Variants in PIK3R3 observed in about 807,000 individuals in gnomAD.
The protein encoded by PIK3R3 is phosphoinositide-3-kinase regulatory subunit 3.
Under a neutral mutation model 62.9 loss-of-function variants are expected in PIK3R3, and 64 were observed. That is an observed-to-expected ratio of 1.02 (90% CI 0.83 to 1.25). The LOEUF (loss-of-function observed/expected upper bound fraction) is 1.25, where lower values mean the gene tolerates loss of function less well. Ranked by LOEUF, PIK3R3 falls within the 50% of genes most tolerant of loss-of-function variation. The pLI, the probability that PIK3R3 is intolerant of heterozygous loss-of-function variation, is 0.00. For missense variants in PIK3R3, 614 were observed against 561.6 expected (o/e 1.09, Z -0.94); for synonymous variants, 165 against 189.0 (o/e 0.87, Z 1.04).
At chr1:46,063,173 G>A (rs987237257) in intron 5 of PIK3R3, among the ~76,000 whole-genome samples, 1 of 152,210 alleles carries the variant, frequency 6.6e-6, no homozygotes, top group East Asian at 1.9e-4. Context: ...CTTCACAGAG[G>A]AGGTGACACT....
intron 7 of PIK3R3, among the ~76,000 whole-genome samples, chr1:46,050,407 A>T (rs1647255909): frequency 6.6e-6 from 1 of 151,998 alleles, no homozygotes; most frequent in African/African-American, 2.4e-5. Context: ...TCTACTAAAA[A>T]TACAAAAATT....
At chr1:46,121,247 T>C (rs75618623) in intron 1 of PIK3R3, among the ~76,000 whole-genome samples, 50 of 152,242 alleles carry the variant, frequency 3.3e-4, no homozygotes, top group African/African-American at 1.1e-3. Context: ...CCAGAACTAA[T>C]ATCAGAAAAA....
At chr1:46,074,286 C>CAAAAAAAAAAA (rs1179172400) in intron 3 of PIK3R3, among the ~76,000 whole-genome samples, 2 of 20,832 alleles carry the variant, frequency 9.6e-5, no homozygotes, top group Non-Finnish European at 1.7e-4. Context: ...TAGACTCCGT[C>CAAAAAAAAAAA]AAAAAAAAAA....
chr1:46,050,469 G>A (rs1051057602), intron 7 of PIK3R3, among the ~76,000 whole-genome samples: 1 of 151,924 alleles, frequency 6.6e-6, no homozygotes, highest in Non-Finnish European at 1.5e-5. Context: ...GGAGGCTGAG[G>A]CAAGAGAATT....
Position 46,046,539 on chromosome 1 carries a change from G to A in PIK3R3, c.1016+12C>T, listed in dbSNP as rs1557549098. ...CAAAGCCCTCTGACAGAAAGGTATA[G>A]AGAGAACTTACTCATCAGCATCCTC... is the stretch of plus-strand genomic sequence containing the variant. On this transcript the variant is annotated intron_variant, in intron 8 of 9. Transcript: ENST00000262741. The A allele has an allele frequency of 6.4e-7, 1 of 1,570,846 alleles. No homozygotes were observed. The highest frequency in any genetic ancestry group is 8.8e-7 in the Non-Finnish European group (1 of 1,140,512).
Position 46,043,447 on chromosome 1 carries a change from G to C in PIK3R3, c.*226C>G. 1.9e-6 allele frequency: 1 copy of C among 539,930 alleles called. No homozygotes were observed. The allele number at this position is 539,930 out of a possible 1,614,324, so 33.4% of individuals were successfully genotyped here. On this transcript the variant is annotated 3_prime_UTR_variant, in exon 10 of 10. Transcript: ENST00000262741. ...AAACAGACTTTCAAAAAAAACATCT[G>C]CTTCCAGCTTAGTATGTCAGTGCAG... is the stretch of plus-strand genomic sequence containing the variant.
At position 46,045,996 on chromosome 1, in the gene PIK3R3, T is replaced by C. The variant is rs535070715; in HGVS notation, c.1109A>G (p.Asp370Gly). ...ACCATCAGGTTTCCCATAAAGCAAG[T>C]CCTCTGCTTGTACTCGATTGATATC... ...VEDINRVQAEDLLYGKPDGAF... is the reference protein window; with the variant it reads ...VEDINRVQAEGLLYGKPDGAF... Residue 370 changes from aspartate (D) to glycine (G), a missense_variant, in exon 9 of 10, where the codon GAC (aspartate) becomes GGC (glycine). By Grantham distance (94) the Asp-to-Gly change is moderately conservative. Coordinates refer to ENST00000262741, the MANE Select transcript of PIK3R3 (RefSeq NM_003629.4). The C allele has an allele frequency of 5.0e-6, 8 of 1,611,782 alleles. No individual in the cohort carries two copies. Among genetic ancestry groups the C allele is most frequent in the Non-Finnish European group, 5.1e-6 (6 of 1,178,126 alleles).
intron 1 of PIK3R3, among the ~76,000 whole-genome samples, chr1:46,105,850 A>C (rs1174639702): frequency 6.6e-6 from 1 of 152,170 alleles, no homozygotes; most frequent in East Asian, 1.9e-4. Context: ...GCCTCAAAAA[A>C]ATAAATTAAT....
chr1:46,067,222 G>C, intron 3 of PIK3R3, 131 bp from the exon 4 acceptor site: 1 of 459,668 alleles, frequency 2.2e-6, no homozygotes, highest in South Asian at 3.6e-5. Context: ...AGGCTGGAAG[G>C]AGTGAAAAGG....
intron 4 of PIK3R3, among the ~76,000 whole-genome samples, chr1:46,066,708 T>C (rs922992247): frequency 6.6e-6 from 1 of 152,100 alleles, no homozygotes; most frequent in Non-Finnish European, 1.5e-5. Flanking sequence ...GGAGGACCAC[T>C]TGAGCCCAGA....
At position 46,040,463 on chromosome 1, in the gene PIK3R3, A is replaced by G. The variant is rs1352451151; in HGVS notation, c.*3210T>C. On this transcript the variant is annotated 3_prime_UTR_variant, in exon 10 of 10. Coordinates refer to ENST00000262741, the MANE Select transcript of PIK3R3 (RefSeq NM_003629.4). ...AGATTTTTCACAAGTAACGGCACCA[A>G]AGTCACATGCTGGAATTTGTAAGGA... 25 of 230,160 alleles carry G rather than the reference A, an allele frequency of 1.1e-4. No individual in the cohort carries two copies. The East Asian group carries it at 1.5e-3, about 14-fold the overall frequency. 14.3% of individuals were successfully genotyped at this position (230,160 alleles called of 1,614,324 possible). A position where few individuals can be genotyped will look rare whatever the true frequency, so the allele number is the denominator to read the frequency against.
At chr1:46,092,203 C>T (rs1184613833) in intron 1 of PIK3R3, among the ~76,000 whole-genome samples, 1 of 152,194 alleles carries the variant, frequency 6.6e-6, no homozygotes, top group Non-Finnish European at 1.5e-5. Context: ...TAAATGAAGG[C>T]GCCTTAGCCC....
At position 46,132,496 on chromosome 1, in the gene PIK3R3, G is replaced by A; in HGVS notation, c.-544C>T. 8.2e-7 allele frequency: 1 copy of A among 1,223,892 alleles called. No individual in the cohort carries two copies. Among genetic ancestry groups the A allele is most frequent in the Non-Finnish European group, 1.0e-6 (1 of 956,434 alleles). The allele number at this position is 1,223,892 out of a possible 1,614,324, so 75.8% of individuals were successfully genotyped here. On this transcript the variant is annotated 5_prime_UTR_variant, in exon 1 of 10. Transcript: ENST00000262741. ...CGGGACTCGGGCTCCTCTCCGGTCG[G>A]TCTCGGAACCGAAGCTGCCGCAGCC...
At chr1:46,045,771 G>T in intron 9 of PIK3R3, 147 bp downstream of exon 9, 2 of 662,696 alleles carry the variant, frequency 3.0e-6, no homozygotes, top group Non-Finnish European at 2.6e-6. Flanking sequence ...TCATAAAGCT[G>T]GGTTTTTTTG....
intron 1 of PIK3R3, among the ~76,000 whole-genome samples, chr1:46,084,109 A>G (rs1159394381): frequency 2.0e-5 from 3 of 152,250 alleles, no homozygotes; most frequent in Admixed American, 1.3e-4. Context: ...AGGTACTGAT[A>G]TGTTACAACA....
At chr1:46,091,429 C>A (rs1193039169) in intron 1 of PIK3R3, among the ~76,000 whole-genome samples, 1 of 151,998 alleles carries the variant, frequency 6.6e-6, no homozygotes, top group African/African-American at 2.4e-5. Flanking sequence ...GTATGAGCCA[C>A]CATGCCTGGC....
At chr1:46,165,044 G>C in the PIK3R3 span, among the ~76,000 whole-genome samples, 2 of 151,928 alleles carry the variant, frequency 1.3e-5, no homozygotes, top group Non-Finnish European at 2.9e-5. Flanking sequence ...ATGTTGCCCA[G>C]ACGGGTCTCA....
At chr1:46,130,799 G>C (rs1024272704) in intron 1 of PIK3R3, among the ~76,000 whole-genome samples, 3 of 152,146 alleles carry the variant, frequency 2.0e-5, no homozygotes, top group Admixed American at 2.0e-4. Flanking sequence ...GAAACAAGGA[G>C]TCACAAAGGC....
intron 1 of PIK3R3, among the ~76,000 whole-genome samples, chr1:46,102,803 T>TAAAAAAAAAAAAA (rs33975572): frequency 1.8e-5 from 1 of 55,766 alleles, no homozygotes; most frequent in Non-Finnish European, 3.0e-5. Flanking sequence ...GTATATATCT[T>TAAAAAAAAAAAAA]AAAAAAAAAA....
Sources: allele counts gnomAD v4.1 joint callset (sites outside exome capture counted in the v4.1 genomes callset), GRCh38; gene constraint gnomAD v4.1.1; transcripts MANE v1.5; gene names NCBI Gene and HGNC (gene_info 2026-07-23, HGNC 2026-07-21).